Variants in NRG1 observed in about 807,000 individuals in gnomAD.
NRG1 encodes pro-neuregulin-1, membrane-bound isoform.
Under a neutral mutation model 63.8 loss-of-function variants are expected in NRG1, and 18 were observed. The observed-to-expected ratio is 0.28, with a 90% CI of 0.19 to 0.42. NRG1 has a LOEUF of 0.42. NRG1 is among the 10% of genes least tolerant of loss of function. The pLI, the probability that NRG1 is intolerant of heterozygous loss-of-function variation, is 1.00. For synonymous variants in NRG1, 302 were observed against 301.3 expected (o/e 1.00, Z -0.02); for missense variants, 762 against 814.7 (o/e 0.94, Z 0.79).
At chr8:32,701,692 A>G (rs1351341865) in intron 5 of NRG1, among the ~76,000 whole-genome samples, 1 of 152,238 alleles carries the variant, frequency 6.6e-6, no homozygotes, top group African/African-American at 2.4e-5. Flanking sequence ...ACAAAAATAA[A>G]TGGAGAAAAT....
At chr8:32,080,043 T>TA (rs375529956) in intron 1 of NRG1, among the ~76,000 whole-genome samples, 7 of 151,872 alleles carry the variant, frequency 4.6e-5, no homozygotes, top group Non-Finnish European at 1.0e-4. Context: ...AAAACTCAAT[T>TA]AAAAAAAAGA....
intron 1 of NRG1, among the ~76,000 whole-genome samples, chr8:31,927,086 G>C (rs1834417513): frequency 6.6e-6 from 1 of 152,028 alleles, no homozygotes; most frequent in African/African-American, 2.4e-5. Context: ...CACTTAGATG[G>C]AATATTTTAT....
At chr8:32,070,042 T>C (rs1319495758) in intron 1 of NRG1, among the ~76,000 whole-genome samples, 1 of 152,202 alleles carries the variant, frequency 6.6e-6, no homozygotes, top group Non-Finnish European at 1.5e-5. Context: ...ATAGTATCTT[T>C]ATTTAAGATG....
intron 1 of NRG1, among the ~76,000 whole-genome samples, chr8:32,393,707 A>C (rs1587336809): frequency 7.2e-6 from 1 of 139,782 alleles, no homozygotes; most frequent in East Asian, 2.0e-4. Flanking sequence ...ACATAGAGGC[A>C]AACAAGAGAC....
chr8:32,422,954 C>G (rs2129486228), intron 1 of NRG1, among the ~76,000 whole-genome samples: 1 of 152,300 alleles, frequency 6.6e-6, no homozygotes, highest in East Asian at 1.9e-4. Context: ...AAATTACTCT[C>G]TCATTTACAC....
intron 1 of NRG1, among the ~76,000 whole-genome samples, chr8:32,140,716 G>C (rs904924206): frequency 2.0e-5 from 3 of 152,032 alleles, no homozygotes; most frequent in Non-Finnish European, 4.4e-5. Flanking sequence ...TCCCACTTCA[G>C]CCTCCAAAAG....
chr8:32,314,053 C>T (rs1312184993), intron 1 of NRG1, among the ~76,000 whole-genome samples: 1 of 152,148 alleles, frequency 6.6e-6, no homozygotes, highest in Non-Finnish European at 1.5e-5. Context: ...TAATATGCAT[C>T]ATCTCAGGGC....
chr8:32,524,137 A>T (rs1272119228), intron 1 of NRG1, among the ~76,000 whole-genome samples: 1 of 151,896 alleles, frequency 6.6e-6, no homozygotes, highest in Admixed American at 6.6e-5. Flanking sequence ...AAACACAAAA[A>T]TTAGCTCAGT....
At chr8:31,986,218 A>G (rs1810040528) in intron 1 of NRG1, among the ~76,000 whole-genome samples, 2 of 152,024 alleles carry the variant, frequency 1.3e-5, no homozygotes, top group East Asian at 1.9e-4. Flanking sequence ...GATAAGTTGT[A>G]AGGGGTGGTG....
chr8:31,912,472 G>A (rs999748165), intron 1 of NRG1, among the ~76,000 whole-genome samples: 1 of 151,492 alleles, frequency 6.6e-6, no homozygotes, highest in Non-Finnish European at 1.5e-5. Flanking sequence ...GGGTGAGAGA[G>A]CATCCCCAGG....
chr8:32,040,078 T>C (rs1819702448), intron 1 of NRG1, among the ~76,000 whole-genome samples: 1 of 152,070 alleles, frequency 6.6e-6, no homozygotes, highest in African/African-American at 2.4e-5. Flanking sequence ...TAGTCATGAC[T>C]TTATTCCAGT....
At chr8:32,001,893 C>T (rs76872818) in intron 1 of NRG1, among the ~76,000 whole-genome samples, 2,184 of 152,110 alleles carry the variant, frequency 0.014, 50 homozygotes, top group African/African-American at 0.049. Context: ...CAGATTACTC[C>T]GCCTGAACAT....
At chr8:31,822,542 C>T (rs1261487252) in intron 1 of NRG1, among the ~76,000 whole-genome samples, 1 of 152,140 alleles carries the variant, frequency 6.6e-6, no homozygotes, top group Non-Finnish European at 1.5e-5. Flanking sequence ...AGCACAGCAG[C>T]CACTAGGCCT....
At chr8:32,120,288 T>G (rs1269212635) in intron 1 of NRG1, among the ~76,000 whole-genome samples, 1 of 152,070 alleles carries the variant, frequency 6.6e-6, no homozygotes, top group Non-Finnish European at 1.5e-5. Context: ...AAAATAATAC[T>G]AGTAAAATGA....
chr8:32,508,072 C>T (rs893175404), intron 1 of NRG1, among the ~76,000 whole-genome samples: 4 of 152,194 alleles, frequency 2.6e-5, no homozygotes, highest in Non-Finnish European at 4.4e-5. Flanking sequence ...GGGTTAAACT[C>T]TGACGTAGCT....
exon 12 of NRG1, chr8:32,763,787 T>C (rs772293348): frequency 6.3e-7 from 1 of 1,580,408 alleles, no homozygotes; most frequent in Non-Finnish European, 8.6e-7. Context: ...GTATGTCACC[T>C]GTAGATTTCC....
chr8:31,890,099 T>C (rs898538898), intron 1 of NRG1, among the ~76,000 whole-genome samples: 4 of 152,176 alleles, frequency 2.6e-5, no homozygotes, highest in Non-Finnish European at 1.5e-5. Context: ...CTCTATCCAA[T>C]TGATGTCAGA....
Position 32,764,626 on chromosome 8 carries a change from T to A in NRG1, c.*224T>A, listed in dbSNP as rs147003954. On this transcript the variant is annotated 3_prime_UTR_variant, in exon 12 of 12. Coordinates refer to ENST00000356819, the Ensembl canonical transcript of NRG1. ...GAAAGATATCAATGGTGCCTTTATGTTATGTTATGTCGAGAGCAAGTTTTG... is the reference window on the plus strand; with the variant it reads ...GAAAGATATCAATGGTGCCTTTATGATATGTTATGTCGAGAGCAAGTTTTG... 1.0e-5 allele frequency: 4 copies of A among 401,522 alleles called. No individual in the cohort carries two copies. In the East Asian group the frequency reaches 1.8e-4, roughly 18 times the overall value. 24.9% of individuals were successfully genotyped at this position (401,522 alleles called of 1,614,324 possible).
At chr8:31,990,580 A>T (rs1348701992) in intron 1 of NRG1, among the ~76,000 whole-genome samples, 1 of 152,104 alleles carries the variant, frequency 6.6e-6, no homozygotes, top group Non-Finnish European at 1.5e-5. Flanking sequence ...GTAAGAAGAA[A>T]ATAAGATTCT....
Sources: gnomAD v4.1 joint callset for allele counts (sites outside exome capture counted in the v4.1 genomes callset) on GRCh38, gnomAD v4.1.1 for gene constraint, MANE v1.5 for transcripts, NCBI Gene and HGNC (gene_info 2026-07-23, HGNC 2026-07-21) for gene names.